WWOX: variants seen among roughly 807,000 people sequenced by gnomAD.
WWOX encodes the protein WW domain containing oxidoreductase.
A neutral mutation model predicts 46.2 loss-of-function variants in WWOX; 69 were observed. The observed-to-expected ratio is 1.49, with a 90% CI of 1.23 to 1.82. WWOX has a LOEUF of 1.82. WWOX is among the 40% of genes most tolerant of loss of function. The pLI, the probability that WWOX is intolerant of heterozygous loss-of-function variation, is 0.00. For synonymous variants in WWOX, 359 were observed against 202.6 expected, an observed-to-expected ratio of 1.77 and a Z score of -6.56; for missense variants, 919 against 542.6, an observed-to-expected ratio of 1.69 and a Z score of -6.89.
intron 5 of WWOX, among the ~76,000 whole-genome samples, chr16:78,336,212 G>A (rs1567509456): frequency 6.6e-6 from 1 of 151,928 alleles, no homozygotes; most frequent in Non-Finnish European, 1.5e-5. Flanking sequence ...GGTGGCTCAT[G>A]CCTGTGATCC....
At chr16:78,994,170 G>A (rs558303432) in intron 8 of WWOX, among the ~76,000 whole-genome samples, 18 of 152,302 alleles carry the variant, frequency 1.2e-4, no homozygotes, top group African/African-American at 4.1e-4. Context: ...CAGACAAACT[G>A]CATCACATCG....
chr16:78,242,674 T>G (rs1008170620), intron 5 of WWOX, among the ~76,000 whole-genome samples: 2 of 152,108 alleles, frequency 1.3e-5, no homozygotes, highest in Non-Finnish European at 2.9e-5. Context: ...AACCCATGGC[T>G]AATAGGGGAC....
intron 5 of WWOX, among the ~76,000 whole-genome samples, chr16:78,212,988 A>G: frequency 6.6e-6 from 1 of 152,034 alleles, no homozygotes; most frequent in East Asian, 1.9e-4. Context: ...GCTGGGCCCG[A>G]TGCCTCACAC....
chr16:78,685,165 C>G (rs2047825827), intron 8 of WWOX, among the ~76,000 whole-genome samples: 1 of 152,114 alleles, frequency 6.6e-6, no homozygotes, highest in Non-Finnish European at 1.5e-5. Context: ...TTTTATGACC[C>G]TGGGAGGACT....
In WWOX at chr16:78,271,876, A is replaced by G. The variant is rs74479649; in HGVS notation, c.516+107587A>G. On this transcript the variant is annotated intron_variant, in intron 5 of 8. Coordinates refer to ENST00000566780, the MANE Select transcript of WWOX (RefSeq NM_016373.4). Reference sequence around the variant, plus strand: ...CAGCCCAAAGAGCATGGTGAATTTAATTAGTCTGCCACACCTGTATGGCCT... The same window carrying G: ...CAGCCCAAAGAGCATGGTGAATTTAGTTAGTCTGCCACACCTGTATGGCCT... Among the ~76,000 whole-genome samples the G allele has an allele frequency of 1.2e-3, 189 of 152,268 alleles. 1 individual carries two copies. Among genetic ancestry groups the G allele is most frequent in the South Asian group, 2.3e-3 (11 of 4,830 alleles).
At chr16:78,914,324 A>G (rs920773807) in intron 8 of WWOX, among the ~76,000 whole-genome samples, 1 of 151,992 alleles carries the variant, frequency 6.6e-6, no homozygotes. Context: ...TGTCCTGTCC[A>G]CTCATGTCTT....
At chr16:78,982,807 A>G (rs1237961466) in intron 8 of WWOX, among the ~76,000 whole-genome samples, 1 of 152,136 alleles carries the variant, frequency 6.6e-6, no homozygotes, top group Non-Finnish European at 1.5e-5. Context: ...AATATATTTT[A>G]TTTATCAAAT....
chr16:78,985,496 G>T (rs554908053), intron 8 of WWOX, among the ~76,000 whole-genome samples: 1 of 152,308 alleles, frequency 6.6e-6, no homozygotes, highest in African/African-American at 2.4e-5. Flanking sequence ...GGGGCCAGGC[G>T]CGGTGGCTCA....
At chr16:78,310,039 C>T (rs12931154) in intron 5 of WWOX, among the ~76,000 whole-genome samples, 12,618 of 151,406 alleles carry the variant, frequency 0.083, 1,013 homozygotes, top group African/African-American at 0.2. Flanking sequence ...TTGTCATTAT[C>T]TTCCCTTCCT....
At chr16:79,091,852 C>G (rs1008762225) in intron 8 of WWOX, among the ~76,000 whole-genome samples, 2 of 134,822 alleles carry the variant, frequency 1.5e-5, no homozygotes, top group Non-Finnish European at 3.0e-5. Context: ...ATTATCTGGG[C>G]TCACTGCAAC....
chr16:78,676,854 T>G (rs1414199037), intron 8 of WWOX, among the ~76,000 whole-genome samples: 4 of 152,212 alleles, frequency 2.6e-5, no homozygotes, highest in Admixed American at 1.3e-4. Flanking sequence ...TTCTTAAAGG[T>G]GCAGTATTGT....
At chr16:78,462,784 C>T (rs547283226) in intron 8 of WWOX, among the ~76,000 whole-genome samples, 3 of 152,322 alleles carry the variant, frequency 2.0e-5, no homozygotes, top group South Asian at 2.1e-4. Context: ...GGACTAGTTA[C>T]GCTTCCCTTG....
intron 8 of WWOX, among the ~76,000 whole-genome samples, chr16:78,895,096 T>G (rs975469963): frequency 3.5e-4 from 53 of 152,304 alleles, no homozygotes; most frequent in Non-Finnish European, 4.4e-5. Flanking sequence ...CTTCAATGTT[T>G]CCATGGTGAG....
At chr16:78,261,772 GTATCTATCTATCTATCTATATAT>G (rs2079240414) in intron 5 of WWOX, among the ~76,000 whole-genome samples, 4 of 129,992 alleles carry the variant, frequency 3.1e-5, no homozygotes, top group Non-Finnish European at 4.9e-5. Context: ...ATCTATCTAT[GTATCTATCTATCTATCTATATAT>G]ATATATATAT....
chr16:79,071,349 G>A lies in WWOX; in HGVS notation c.1057-140259G>A, dbSNP rs1208766070. ...TTTTGAAGTTGGTGTACTTGTTAAA[G>A]GAAGCCAGAAAAGCTTTTCAACCAT... On this transcript the variant is annotated intron_variant, in intron 8 of 8. Coordinates refer to ENST00000566780, the MANE Select transcript of WWOX (RefSeq NM_016373.4). Among the ~76,000 whole-genome samples the A allele has an allele frequency of 2.0e-5, 3 of 152,268 alleles. No individual in the cohort carries two copies. In the East Asian group the frequency reaches 5.8e-4, roughly 29 times the overall value.
intron 8 of WWOX, among the ~76,000 whole-genome samples, chr16:79,180,817 A>G (rs2150785928): frequency 6.6e-6 from 1 of 152,338 alleles, no homozygotes; most frequent in South Asian, 2.1e-4. Flanking sequence ...TAATATAGAT[A>G]TACAAAATGA....
chr16:78,581,874 C>T (rs1257638720), intron 8 of WWOX, among the ~76,000 whole-genome samples: 1 of 152,116 alleles, frequency 6.6e-6, no homozygotes, highest in Non-Finnish European at 1.5e-5. Flanking sequence ...GTTTGTCATC[C>T]TCTATTTGAA....
At chr16:78,831,971 T>C (rs1358963789) in intron 8 of WWOX, among the ~76,000 whole-genome samples, 2 of 152,210 alleles carry the variant, frequency 1.3e-5, no homozygotes, top group Non-Finnish European at 2.9e-5. Flanking sequence ...CTTGTCACTT[T>C]TGCCTGGATC....
chr16:78,745,836 A>G lies in WWOX; in HGVS notation c.1056+313084A>G, dbSNP rs576639070. 3.9e-5 allele frequency among the ~76,000 whole-genome samples: 6 copies of G among 151,942 alleles called. No individual in the cohort carries two copies. The South Asian group carries it at 8.3e-4, about 21-fold the overall frequency. On this transcript the variant is annotated intron_variant, in intron 8 of 8. Transcript: ENST00000566780. ...GGTAGAGGGCTAGTTTACAGATAAA[A>G]TGGTTGGTGTAGATCATCTAGTTTG...
Sources: gnomAD v4.1 joint callset for allele counts (sites outside exome capture counted in the v4.1 genomes callset) on GRCh38, gnomAD v4.1.1 for gene constraint, MANE v1.5 for transcripts, NCBI Gene and HGNC (gene_info 2026-07-23, HGNC 2026-07-21) for gene names.